Variants in SLC9C2 observed in about 807,000 individuals in gnomAD.
SLC9C2 encodes solute carrier family 9 member C2 (putative).
SLC9C2 carries 75 observed loss-of-function variants against 140.2 expected under a neutral mutation model. That is an observed-to-expected ratio of 0.53 (90% CI 0.44 to 0.65). The LOEUF is 0.65. Among genes scored for constraint, SLC9C2 ranks in the 30% least tolerant of loss-of-function variants. SLC9C2 has a pLI of 0.00. For synonymous variants in SLC9C2, 375 were observed against 420.9 expected, an observed-to-expected ratio of 0.89 and a Z score of 1.34; for missense variants, 1,074 against 1,331.8, an observed-to-expected ratio of 0.81 and a Z score of 3.01.
intron 13 of SLC9C2, among the ~76,000 whole-genome samples, chr1:173,538,647 T>C (rs1483216808): frequency 6.6e-6 from 1 of 152,132 alleles, no homozygotes; most frequent in African/African-American, 2.4e-5. Context: ...TTGGAGGAGA[T>C]GATACTTCAA....
At chr1:173,565,336 T>C (rs946557088) in intron 9 of SLC9C2, among the ~76,000 whole-genome samples, 1 of 152,192 alleles carries the variant, frequency 6.6e-6, no homozygotes, top group Admixed American at 6.5e-5. Flanking sequence ...GTTTCATAGG[T>C]TGAGGTCTTA....
At chr1:173,514,045 C>A (rs1660240056) in intron 23 of SLC9C2, among the ~76,000 whole-genome samples, 1 of 152,184 alleles carries the variant, frequency 6.6e-6, no homozygotes, top group African/African-American at 2.4e-5. Flanking sequence ...GATTTCAGTT[C>A]TTTTGCATTT....
chr1:173,557,248 G>C (rs1663770924), intron 10 of SLC9C2, 92 bp downstream of exon 10: 17 of 1,215,432 alleles, frequency 1.4e-5, no homozygotes, highest in Non-Finnish European at 2.3e-6. Flanking sequence ...CTAATTCAAA[G>C]CTGGTTAACT....
chr1:173,552,668 T>G (rs906102215), intron 11 of SLC9C2, among the ~76,000 whole-genome samples: 3 of 152,206 alleles, frequency 2.0e-5, no homozygotes, highest in African/African-American at 7.2e-5. Context: ...TTAAGCTCAC[T>G]ATTGATATCT....
chr1:173,536,400 A>G (rs1261726112), intron 14 of SLC9C2, among the ~76,000 whole-genome samples: 1 of 152,134 alleles, frequency 6.6e-6, no homozygotes, highest in African/African-American at 2.4e-5. Flanking sequence ...TAGATCATCT[A>G]TTATCTAATG....
intron 9 of SLC9C2, among the ~76,000 whole-genome samples, chr1:173,563,838 C>A (rs1664278143): frequency 6.6e-6 from 1 of 152,114 alleles, no homozygotes; most frequent in Non-Finnish European, 1.5e-5. Context: ...CCTCCACTTT[C>A]CCCCCTTATC....
intron 13 of SLC9C2, among the ~76,000 whole-genome samples, 165 bp downstream of exon 13, chr1:173,547,524 A>C (rs16846204): frequency 6.6e-6 from 1 of 151,690 alleles, no homozygotes; most frequent in African/African-American, 2.4e-5. Flanking sequence ...AGCCTCAGGA[A>C]GAAGGAGAAT....
intron 9 of SLC9C2, among the ~76,000 whole-genome samples, chr1:173,561,752 C>A (rs1392986422): frequency 6.6e-6 from 1 of 151,896 alleles, no homozygotes; most frequent in East Asian, 1.9e-4. Context: ...ATCACTGGTC[C>A]CTTCCATTGC....
At chr1:173,530,161 C>T (rs538082604) in intron 17 of SLC9C2, 107 bp from the exon 18 acceptor site, 3 of 992,506 alleles carry the variant, frequency 3.0e-6, no homozygotes, top group South Asian at 1.7e-5. Context: ...AACAGCAGAG[C>T]CCACAAACTT....
chr1:173,600,716 A>C (rs1431708351), intron 2 of SLC9C2, among the ~76,000 whole-genome samples: 4 of 152,182 alleles, frequency 2.6e-5, no homozygotes, highest in Non-Finnish European at 5.9e-5. Flanking sequence ...TCTTTCTGCA[A>C]TGCTCTTTAC....
intron 9 of SLC9C2, among the ~76,000 whole-genome samples, chr1:173,572,976 G>A (rs369182503): frequency 2.0e-4 from 31 of 152,130 alleles, no homozygotes; most frequent in South Asian, 4.1e-4. Context: ...GGGTGACGCC[G>A]ATCCCTCTCA....
intron 4 of SLC9C2, among the ~76,000 whole-genome samples, chr1:173,590,747 T>C (rs1488921238): frequency 6.6e-6 from 1 of 152,166 alleles, no homozygotes; most frequent in African/African-American, 2.4e-5. Context: ...CAGGAGATAA[T>C]GTATACACAG....
At chr1:173,593,998 A>G (rs1310903647) in intron 4 of SLC9C2, among the ~76,000 whole-genome samples, 5 of 152,192 alleles carry the variant, frequency 3.3e-5, no homozygotes, top group African/African-American at 1.2e-4. Context: ...ACTGTACAGA[A>G]CACCAAAGAA....
In SLC9C2 at chr1:173,534,469, T is replaced by C; in HGVS notation, c.1974+15A>G. The C allele has an allele frequency of 6.5e-7, 1 of 1,533,820 alleles. No individual in the cohort carries two copies. Among genetic ancestry groups the C allele is most frequent in the South Asian group, 1.3e-5 (1 of 76,914 alleles). On this transcript the variant is annotated intron_variant, in intron 16 of 27. Transcript: ENST00000367714. ...TTGCTCTTTTTATAGATTCTATTTC[T>C]ATTTTAAACAGTACCTTCAATGTTG...
intron 9 of SLC9C2, among the ~76,000 whole-genome samples, chr1:173,563,228 G>A (rs2102133986): frequency 6.6e-6 from 1 of 151,896 alleles, no homozygotes; most frequent in African/African-American, 2.4e-5. Context: ...GGGGGGCAGG[G>A]CCAGTGTTCC....
intron 13 of SLC9C2, among the ~76,000 whole-genome samples, chr1:173,543,395 G>T (rs997901781): frequency 6.6e-6 from 1 of 152,200 alleles, no homozygotes; most frequent in East Asian, 1.9e-4. Context: ...CTCATAGATA[G>T]GAGGAATCAA....
rs745670711 is a variant in SLC9C2 at position 173,557,356 on chromosome 1, A to G, written c.1199T>C (p.Val400Ala). The G allele has an allele frequency of 5.6e-6, 9 of 1,612,220 alleles. No homozygotes were observed. In the African/African-American group the frequency reaches 1.2e-4, roughly 22 times the overall value. ...CTTTCCTACCATTTGTGGTACTTCCACTTTTCGTTCAGCGAGATTATAAAC... is the reference window on the plus strand; with the variant it reads ...CTTTCCTACCATTTGTGGTACTTCCGCTTTTCGTTCAGCGAGATTATAAAC... ...PDVYNLAERK[V>A]EVPQMFILYV... The change falls in exon 10 of 28, where the codon GTG becomes GCG. Residue 400 changes from valine (V) to alanine (A), a missense_variant. Coordinates refer to ENST00000367714, the MANE Select transcript of SLC9C2 (RefSeq NM_178527.4).
intron 23 of SLC9C2, among the ~76,000 whole-genome samples, chr1:173,514,022 G>GAC (rs1273726415): frequency 6.6e-6 from 1 of 152,226 alleles, no homozygotes; most frequent in Admixed American, 6.5e-5. Context: ...TGGTCTGAGA[G>GAC]ACAGTTTGTT....
At chr1:173,516,310 G>C (rs1488369527) in intron 23 of SLC9C2, among the ~76,000 whole-genome samples, 1 of 152,184 alleles carries the variant, frequency 6.6e-6, no homozygotes, top group Non-Finnish European at 1.5e-5. Flanking sequence ...AAACAAACAA[G>C]TATTCCTTTT....
Sources: gnomAD v4.1 joint callset for allele counts (sites outside exome capture counted in the v4.1 genomes callset) on GRCh38, gnomAD v4.1.1 for gene constraint, MANE v1.5 for transcripts, NCBI Gene and HGNC (gene_info 2026-07-23, HGNC 2026-07-21) for gene names.